The following RIMS2 variants were observed in gnomAD, a reference collection of about 807,000 sequenced individuals.
RIMS2 encodes the protein regulating synaptic membrane exocytosis 2.
Under a neutral mutation model 174.4 loss-of-function variants are expected in RIMS2, and 59 were observed. The observed-to-expected ratio is 0.34, with a 90% CI of 0.27 to 0.42. RIMS2 has a LOEUF of 0.42. Among genes scored for constraint, RIMS2 ranks in the 10% least tolerant of loss-of-function variants. The probability of loss-of-function intolerance (pLI) is 1.00; values close to 1 mark genes in which losing one functional copy is unlikely to be tolerated. For missense variants in RIMS2, 1,620 were observed against 1,666.3 expected, an observed-to-expected ratio of 0.97 and a Z score of 0.48; for synonymous variants, 606 against 572.5, an observed-to-expected ratio of 1.06 and a Z score of -0.84.
intron 3 of RIMS2, among the ~76,000 whole-genome samples, chr8:103,881,179 CT>C (rs1299782868): frequency 1.3e-5 from 2 of 151,314 alleles, no homozygotes; most frequent in Non-Finnish European, 3.0e-5. Flanking sequence ...AATTAGTAAT[CT>C]TCAAATTTTG....
At chr8:104,058,643 C>T (rs1156536449) in intron 19 of RIMS2, among the ~76,000 whole-genome samples, 3 of 151,746 alleles carry the variant, frequency 2.0e-5, no homozygotes, top group Non-Finnish European at 2.9e-5. Context: ...AGTCCTTGCC[C>T]ATGCCTGTGT....
intron 9 of RIMS2, 93 bp downstream of exon 12, chr8:103,918,580 A>G (rs760488095): frequency 2.3e-6 from 2 of 878,250 alleles, no homozygotes; most frequent in Non-Finnish European, 3.9e-6. Context: ...GAAGTAAGAA[A>G]TATGATAACC....
intron 1 of RIMS2, among the ~76,000 whole-genome samples, chr8:103,508,295 A>G (rs1031410666): frequency 2.0e-5 from 3 of 152,090 alleles, no homozygotes; most frequent in Admixed American, 6.5e-5. Flanking sequence ...ACTACAGTGT[A>G]TCATGGATAT....
At chr8:104,016,748 A>G (rs936908743) in intron 19 of RIMS2, among the ~76,000 whole-genome samples, 3 of 152,062 alleles carry the variant, frequency 2.0e-5, no homozygotes, top group Non-Finnish European at 4.4e-5. Context: ...TGAATTTTTA[A>G]TGTTGTTCAT....
chr8:104,223,642 C>A, intron 19 of RIMS2: 1 of 1,586,992 alleles, frequency 6.3e-7, no homozygotes, highest in South Asian at 1.1e-5. Context: ...AAAGCGGGTC[C>A]TCGTCCAAGA....
chr8:104,067,122 G>A (rs950881589), intron 19 of RIMS2, among the ~76,000 whole-genome samples: 2 of 151,980 alleles, frequency 1.3e-5, no homozygotes, highest in South Asian at 4.1e-4. Flanking sequence ...AATCAGGTAA[G>A]TATTAAAATA....
intron 19 of RIMS2, among the ~76,000 whole-genome samples, chr8:104,121,373 T>A (rs1446422954): frequency 6.6e-6 from 1 of 152,120 alleles, no homozygotes; most frequent in East Asian, 1.9e-4. Context: ...GAGACATGAA[T>A]TTACATCCCT....
chr8:103,883,628 C>T (rs183286555), intron 3 of RIMS2, among the ~76,000 whole-genome samples: 2 of 151,882 alleles, frequency 1.3e-5, no homozygotes, highest in Non-Finnish European at 1.5e-5. Flanking sequence ...AATTATAAAA[C>T]ATTTAAGGGA....
intron 19 of RIMS2, among the ~76,000 whole-genome samples, chr8:104,242,404 A>G (rs935601536): frequency 2.0e-5 from 3 of 152,180 alleles, no homozygotes; most frequent in African/African-American, 7.2e-5. Flanking sequence ...TGCATATTCA[A>G]ATTTTCCTTA....
At chr8:103,606,375 A>G in intron 1 of RIMS2, among the ~76,000 whole-genome samples, 1 of 151,666 alleles carries the variant, frequency 6.6e-6, no homozygotes, top group Non-Finnish European at 1.5e-5. Flanking sequence ...ATAGTTTGTT[A>G]TAATCTCTGT....
chr8:103,555,936 G>T (rs534547690), intron 1 of RIMS2, among the ~76,000 whole-genome samples: 16 of 152,200 alleles, frequency 1.1e-4, no homozygotes, highest in African/African-American at 3.6e-4. Context: ...ATAAACTATG[G>T]ATAGAAAGAC....
At chr8:103,832,482 G>A (rs983086862) in intron 3 of RIMS2, among the ~76,000 whole-genome samples, 3 of 151,846 alleles carry the variant, frequency 2.0e-5, no homozygotes, top group African/African-American at 7.3e-5. Flanking sequence ...TCATCAACTG[G>A]GTATTAAGCC....
chr8:104,209,034 T>C (rs2099093732), intron 19 of RIMS2, among the ~76,000 whole-genome samples: 1 of 152,222 alleles, frequency 6.6e-6, no homozygotes, highest in African/African-American at 2.4e-5. Context: ...GCTTTAAATA[T>C]CTATACATTT....
At chr8:103,683,739 C>T (rs1032396827) in intron 1 of RIMS2, among the ~76,000 whole-genome samples, 2 of 152,142 alleles carry the variant, frequency 1.3e-5, no homozygotes, top group East Asian at 3.9e-4. Context: ...CAAATTTCTA[C>T]ACTTGGAAAG....
intron 1 of RIMS2, among the ~76,000 whole-genome samples, chr8:103,565,993 T>A (rs1382822183): frequency 1.3e-5 from 2 of 152,200 alleles, no homozygotes; most frequent in Non-Finnish European, 2.9e-5. Context: ...AGAGGCAGAA[T>A]GATCATAAGG....
At chr8:103,753,094 T>A (rs1009775318) in intron 2 of RIMS2, among the ~76,000 whole-genome samples, 5 of 152,142 alleles carry the variant, frequency 3.3e-5, no homozygotes, top group Non-Finnish European at 7.3e-5. Context: ...CTCTTCTTAT[T>A]TTGAGATACA....
chr8:103,582,693 C>T (rs1378042088), intron 1 of RIMS2, among the ~76,000 whole-genome samples: 2 of 152,154 alleles, frequency 1.3e-5, no homozygotes, highest in South Asian at 2.1e-4. Flanking sequence ...CAGAATGAGG[C>T]TCCTCTGCCT....
chr8:103,702,217 A>G (rs1365248973), intron 2 of RIMS2, among the ~76,000 whole-genome samples: 1 of 151,504 alleles, frequency 6.6e-6, no homozygotes, highest in Non-Finnish European at 1.5e-5. Flanking sequence ...TACCTGTTGG[A>G]TATTTGTTTG....
At chr8:103,701,593 C>T (rs928954431) in intron 2 of RIMS2, among the ~76,000 whole-genome samples, 38 of 152,116 alleles carry the variant, frequency 2.5e-4, no homozygotes, top group Non-Finnish European at 7.4e-5. Flanking sequence ...TCCTACCCTT[C>T]CCAGCCTCCA....
Sources: gnomAD v4.1 joint callset for allele counts (sites outside exome capture counted in the v4.1 genomes callset) on GRCh38, gnomAD v4.1.1 for gene constraint, MANE v1.5 for transcripts, NCBI Gene and HGNC (gene_info 2026-07-23, HGNC 2026-07-21) for gene names.